FMOD: variants seen among roughly 807,000 people sequenced by gnomAD.
FMOD encodes KSPG fibromodulin.
In FMOD, 15 loss-of-function variants were observed where a neutral mutation model predicts 27.0. The ratio of observed to expected loss-of-function variants is 0.55; its 90% CI spans 0.37 to 0.85. The LOEUF is 0.85. Among genes scored for constraint, FMOD ranks in the 40% least tolerant of loss-of-function variants. The probability of loss-of-function intolerance (pLI) is 0.00; values close to 1 mark genes in which losing one functional copy is unlikely to be tolerated. For synonymous variants in FMOD, 210 were observed against 214.0 expected (o/e 0.98, Z 0.16); for missense variants, 460 against 483.2 (o/e 0.95, Z 0.45).
intron 2 of FMOD, among the ~76,000 whole-genome samples, chr1:203,345,656 T>G (rs1459354894): frequency 2.6e-5 from 4 of 152,128 alleles, no homozygotes; most frequent in Admixed American, 6.6e-5. Flanking sequence ...CCCAGCACTT[T>G]GGGAGGCCGA....
chr1:203,345,057 A>G (rs1414562635), intron 2 of FMOD, among the ~76,000 whole-genome samples: 1 of 152,190 alleles, frequency 6.6e-6, no homozygotes, highest in African/African-American at 2.4e-5. Context: ...GCCCTAGACA[A>G]AGCACTTTAC....
At chr1:203,349,727 A>C (rs533924890) in intron 1 of FMOD, among the ~76,000 whole-genome samples, 12 of 152,352 alleles carry the variant, frequency 7.9e-5, no homozygotes. Context: ...CAGTGAACTG[A>C]TGGGAAAGAC....
chr1:203,347,974 G>T lies in FMOD; in HGVS notation c.297C>A (p.Tyr99Ter). 1 of 1,604,896 alleles carries T rather than the reference G, an allele frequency of 6.2e-7. No homozygotes were observed. ...TCATGCGGGAGGGAACGAAGGGCAG[G>T]TACTTGAGGTTGCGATTGTCACAGT... ...AMYCDNRNLK[Y>*]LPFVPSRMKY... is the part of the protein sequence containing the mutation. Residue 99 changes from tyrosine to a stop codon, truncating the protein, a stop_gained, in exon 2 of 3, where the codon TAC becomes TAA. Coordinates refer to ENST00000354955, the MANE Select transcript of FMOD (RefSeq NM_002023.5). LOFTEE classifies it high-confidence loss of function.
chr1:203,343,564 A>G (rs555824712), intron 2 of FMOD, among the ~76,000 whole-genome samples: 73 of 152,310 alleles, frequency 4.8e-4, no homozygotes, highest in African/African-American at 1.7e-3. Flanking sequence ...TTGGGTCTTG[A>G]GGGTAGGATT....
In FMOD at chr1:203,348,074, C is replaced by T. The variant is rs749385572; in HGVS notation, c.197G>A (p.Gly66Asp). Reference sequence around the variant, plus strand: ...GCGGGGATCTGGAGGGGATGGAGAGCCGTAGGTGTAGGCTGGCCCTTCATC... The same window carrying T: ...GCGGGGATCTGGAGGGGATGGAGAGTCGTAGGTGTAGGCTGGCCCTTCATC... ...GVDEGPAYTY[G>D]SPSPPDPRDC... The change falls in exon 2 of 3, where the codon GGC (glycine) becomes GAC (aspartate). Residue 66 changes from glycine (G) to aspartate (D), a missense_variant. Transcript: ENST00000354955. 1.2e-5 allele frequency: 20 copies of T among 1,613,878 alleles called. No homozygotes were observed. The highest frequency in any genetic ancestry group is 1.6e-4 in the Middle Eastern group (1 of 6,062).
chr1:203,346,521 C>A (rs1658891050), intron 2 of FMOD, among the ~76,000 whole-genome samples: 1 of 148,150 alleles, frequency 6.7e-6, no homozygotes, highest in Non-Finnish European at 1.5e-5. Flanking sequence ...TTGGGCATTG[C>A]AAGGAAGTGC....
intron 1 of FMOD, among the ~76,000 whole-genome samples, chr1:203,350,034 C>T (rs1658964117): frequency 6.6e-6 from 1 of 152,226 alleles, no homozygotes; most frequent in Non-Finnish European, 1.5e-5. Flanking sequence ...CATGCACAGC[C>T]CTGGGCTGTT....
At position 203,348,147 on chromosome 1, in the gene FMOD, A is replaced by G. The variant is rs1658928447; in HGVS notation, c.124T>C (p.Tyr42His). ...TAGGTCTCATACGGGTAAGGGTCAT[A>G]GGGATCGTAGTAGGTGGACTGCTGG... Reference protein sequence around the residue: ...RSQQSTYYDPYDPYPYETYEP... With the variant: ...RSQQSTYYDPHDPYPYETYEP... The change falls in exon 2 of 3, where the codon TAT becomes CAT. Residue 42 changes from tyrosine (Y) to histidine (H), a missense_variant. Tyr to His is a moderately conservative substitution (Grantham distance 83). Transcript: ENST00000354955. 1 of 1,614,136 alleles carries G rather than the reference A, an allele frequency of 6.2e-7. No individual in the cohort carries two copies. Among genetic ancestry groups the G allele is most frequent in the East Asian group, 2.2e-5 (1 of 44,878 alleles).
chr1:203,342,463 C>T lies in FMOD; in HGVS notation c.1011G>A (p.Val337=), dbSNP rs1658812359. Residue 337 remains valine, a synonymous_variant, in exon 3 of 3, where the codon GTG becomes GTA. Coordinates refer to ENST00000354955, the MANE Select transcript of FMOD (RefSeq NM_002023.5). ...EFSISSFCTV[V]DVVNFSKLQV... Reference sequence around the variant, plus strand: ...GCAGCTTGGAGAAGTTCACGACGTCCACCACGGTGCAGAAGCTGCTGATGG... The same window carrying T: ...GCAGCTTGGAGAAGTTCACGACGTCTACCACGGTGCAGAAGCTGCTGATGG... 6.2e-7 allele frequency: 1 copy of T among 1,614,020 alleles called. No homozygotes were observed. Among genetic ancestry groups the T allele is most frequent in the African/African-American group, 1.3e-5 (1 of 74,936 alleles).
intron 2 of FMOD, among the ~76,000 whole-genome samples, chr1:203,344,886 T>C (rs928544961): frequency 3.3e-5 from 5 of 152,154 alleles, no homozygotes; most frequent in African/African-American, 1.2e-4. Flanking sequence ...TAGGTCAGGA[T>C]TCTAATCTAC....
intron 1 of FMOD, among the ~76,000 whole-genome samples, chr1:203,350,683 T>C (rs1558194450): frequency 1.3e-5 from 2 of 152,156 alleles, no homozygotes; most frequent in Admixed American, 6.5e-5. Context: ...TGCAGGGACA[T>C]CCAGGTCTTG....
Position 203,342,368 on chromosome 1 carries a change from C to G in FMOD, c.1106G>C (p.Arg369Pro), listed in dbSNP as rs763050638. ...AMPADAPLCL[R>P]LASLIEI ...TCAGATCTCGATGAGGCTGGCAAGG[C>G]GCAGGCAGAGGGGCGCGTCGGCAGG... The change falls in exon 3 of 3, where the codon CGC (arginine) becomes CCC (proline). Residue 369 changes from arginine (R) to proline (P), a missense_variant. Coordinates refer to ENST00000354955, the MANE Select transcript of FMOD (RefSeq NM_002023.5). The G allele has an allele frequency of 6.2e-7, 1 of 1,612,694 alleles. No individual in the cohort carries two copies. Among genetic ancestry groups the G allele is most frequent in the African/African-American group, 1.3e-5 (1 of 74,920 alleles).
At chr1:203,350,593 A>C (rs6672961) in intron 1 of FMOD, among the ~76,000 whole-genome samples, 1 of 151,666 alleles carries the variant, frequency 6.6e-6, no homozygotes, top group East Asian at 1.9e-4. Flanking sequence ...ACACACACAC[A>C]CACACACACA....
chr1:203,349,579 C>T (rs1403554171), intron 1 of FMOD, among the ~76,000 whole-genome samples: 1 of 152,176 alleles, frequency 6.6e-6, no homozygotes, highest in African/African-American at 2.4e-5. Flanking sequence ...CTGAGTGTCA[C>T]CCTTGGACAG....
Position 203,342,318 on chromosome 1 carries a change from G to A in FMOD, c.*25C>T, listed in dbSNP as rs1044799289. 12 of 1,598,608 alleles carry A rather than the reference G, an allele frequency of 7.5e-6. No homozygotes were observed. Among genetic ancestry groups the A allele is most frequent in the African/African-American group, 5.4e-5 (4 of 74,618 alleles). On this transcript the variant is annotated 3_prime_UTR_variant, in exon 3 of 3. Transcript: ENST00000354955. ...AAGCCAAATGCCACGGGGGCTCTCC[G>A]CCCAGTACCCGGTGCCAGGGCTGCT...
At chr1:203,346,103 C>G (rs888143876) in intron 2 of FMOD, among the ~76,000 whole-genome samples, 1 of 152,146 alleles carries the variant, frequency 6.6e-6, no homozygotes, top group Non-Finnish European at 1.5e-5. Flanking sequence ...GGGCTGGTGC[C>G]TCTCTCACTC....
At position 203,341,319 on chromosome 1, in the gene FMOD, T is replaced by C. The variant is rs1172374501; in HGVS notation, c.*1024A>G. The C allele has an allele frequency of 6.6e-6, 1 of 152,190 alleles. No homozygotes were observed. Among genetic ancestry groups the C allele is most frequent in the Non-Finnish European group, 1.5e-5 (1 of 68,032 alleles). The allele number at this position is 152,190 out of a possible 1,614,324, so 9.4% of individuals were successfully genotyped here. On this transcript the variant is annotated 3_prime_UTR_variant, in exon 3 of 3. Transcript: ENST00000354955. ...TCTCTACCATCAGGATATAGAATCT[T>C]CCTGCTTGGATAAAAGGAGAGGACA...
rs139595480 is a variant in FMOD at position 203,349,265 on chromosome 1, A to T, written c.-7-988T>A. ...GGAAACTCTTGTGTATGCTCAAGGG[A>T]AAGCAGCTTGAGGTAGGACCCTGAC... On this transcript the variant is annotated intron_variant, in intron 1 of 2. Coordinates refer to ENST00000354955, the MANE Select transcript of FMOD (RefSeq NM_002023.5). 1.1e-4 allele frequency among the ~76,000 whole-genome samples: 16 copies of T among 152,292 alleles called. No individual in the cohort carries two copies. In the East Asian group the frequency reaches 2.7e-3, roughly 26 times the overall value.
Position 203,342,228 on chromosome 1 carries a change from G to T in FMOD, c.*115C>A. 7.7e-7 allele frequency: 1 copy of T among 1,306,332 alleles called. No homozygotes were observed. Among genetic ancestry groups the T allele is most frequent in the South Asian group, 1.4e-5 (1 of 69,610 alleles). The allele number at this position is 1,306,332 out of a possible 1,614,324, so 80.9% of individuals were successfully genotyped here. On this transcript the variant is annotated 3_prime_UTR_variant, in exon 3 of 3. Coordinates refer to ENST00000354955, the MANE Select transcript of FMOD (RefSeq NM_002023.5). ...CCTACAGGAAAGAAGACTACAGAGG[G>T]TGCCCGTGGACTTCTGTCACATGGT...
Sources: allele counts gnomAD v4.1 joint callset (sites outside exome capture counted in the v4.1 genomes callset), GRCh38; gene constraint gnomAD v4.1.1; transcripts MANE v1.5; gene names NCBI Gene and HGNC (gene_info 2026-07-23, HGNC 2026-07-21).